The following DMD variants were observed in gnomAD, a reference collection of about 807,000 sequenced individuals.
The protein encoded by DMD is mutant dystrophin.
Under a neutral mutation model 330.1 loss-of-function variants are expected in DMD, and 63 were observed. The observed-to-expected ratio is 0.19, with a 90% CI of 0.16 to 0.24. The LOEUF is 0.24. Ranked by LOEUF, DMD falls within the 10% of genes least tolerant of loss-of-function variation. The pLI is 1.00. For missense variants in DMD, 3,344 were observed against 2,684.1 expected (o/e 1.25, Z -5.43); for synonymous variants, 1,223 against 959.8 (o/e 1.27, Z -5.07).
chrX:33,133,906 G>A (rs73455860), intron 1 of DMD, among the ~76,000 whole-genome samples: 4,675 of 111,610 alleles, frequency 0.042, 226 homozygotes, highest in African/African-American at 0.14. Flanking sequence ...AAGTTTGAAG[G>A]AAAATCAAAC....
intron 17 of DMD, among the ~76,000 whole-genome samples, chrX:32,520,032 G>A (rs941994170): frequency 8.1e-5 from 9 of 111,457 alleles, no homozygotes; most frequent in African/African-American, 2.6e-4. Flanking sequence ...GTTATTTATC[G>A]AGGCTATCCA....
intron 2 of DMD, among the ~76,000 whole-genome samples, chrX:32,949,949 T>C (rs2091122388): frequency 1.0e-5 from 1 of 97,042 alleles, no homozygotes. Context: ...AAACATCCAG[T>C]GTAAAGGTGC....
At chrX:33,269,788 C>T (rs1202981556) in intron 1 of DMD, among the ~76,000 whole-genome samples, 2 of 110,481 alleles carry the variant, frequency 1.8e-5, no homozygotes, top group African/African-American at 6.6e-5. Flanking sequence ...CTGATGGGGT[C>T]TCTGTAATTA....
rs1210621612 is a variant in DMD at position 32,990,004 on chromosome X, A to AAT, written c.93+30133_93+30134dup. ...AAAATGAGAAAACCTGTCATTGATT[A>AAT]ATATATGTTTGTTTTTGTATTAATT... On this transcript the variant is annotated intron_variant, in intron 2 of 78. Coordinates refer to ENST00000357033, the MANE Select transcript of DMD (RefSeq NM_004006.3). Among the ~76,000 whole-genome samples the AAT allele has an allele frequency of 3.6e-5, 4 of 111,850 alleles. No individual in the cohort carries two copies. The East Asian group carries it at 1.1e-3, about 31-fold the overall frequency.
intron 42 of DMD, among the ~76,000 whole-genome samples, chrX:32,288,041 T>A (rs1485499148): frequency 9.0e-6 from 1 of 110,818 alleles, no homozygotes; most frequent in African/African-American, 3.3e-5. Context: ...GCACTTCTTT[T>A]CTTCTCTGTC....
intron 30 of DMD, among the ~76,000 whole-genome samples, chrX:32,406,957 C>T (rs1394600657): frequency 9.0e-6 from 1 of 111,307 alleles, no homozygotes; most frequent in Non-Finnish European, 1.9e-5. Context: ...TTCCTTACAC[C>T]TTATACAAAA....
intron 11 of DMD, among the ~76,000 whole-genome samples, chrX:32,642,068 A>T (rs2059502088): frequency 8.9e-6 from 1 of 111,813 alleles, no homozygotes; most frequent in Admixed American, 9.5e-5. Flanking sequence ...CCTCTCACAA[A>T]ATCTTTCAAA....
At chrX:31,502,324 T>C (rs1364284737) in intron 56 of DMD, among the ~76,000 whole-genome samples, 1 of 111,467 alleles carries the variant, frequency 9.0e-6, no homozygotes, top group African/African-American at 3.3e-5. Flanking sequence ...CATTTTTTTT[T>C]TCTAGACAGG....
At chrX:32,691,127 T>G (rs2063249430) in intron 9 of DMD, among the ~76,000 whole-genome samples, 1 of 110,941 alleles carries the variant, frequency 9.0e-6, no homozygotes, top group African/African-American at 3.3e-5. Context: ...TTAAATAAAA[T>G]GAATTATATA....
intron 74 of DMD, among the ~76,000 whole-genome samples, chrX:31,167,327 T>C (rs1259751961): frequency 1.8e-5 from 2 of 111,237 alleles, no homozygotes; most frequent in Admixed American, 1.9e-4. Flanking sequence ...GATTAAATGA[T>C]CTAAAATATG....
chrX:33,127,360 C>A lies in DMD; in HGVS notation c.31+83922G>T, dbSNP rs775780297. On this transcript the variant is annotated intron_variant, in intron 1 of 78. Transcript: ENST00000357033. ...AGGATATTCTATAATTAAAAAAAAA[C>A]CTGATAAATCACTACACCTTTTCAC... 5.4e-5 allele frequency among the ~76,000 whole-genome samples: 6 copies of A among 110,749 alleles called. No individual in the cohort carries two copies. In the Admixed American group the frequency reaches 5.8e-4, roughly 11 times the overall value.
At chrX:31,844,192 T>G (rs766262094) in intron 48 of DMD, among the ~76,000 whole-genome samples, 4 of 111,767 alleles carry the variant, frequency 3.6e-5, no homozygotes, top group African/African-American at 9.7e-5. Flanking sequence ...TAATCCATCT[T>G]GAGTTAATTT....
intron 1 of DMD, among the ~76,000 whole-genome samples, chrX:33,200,466 A>C: frequency 9.0e-6 from 1 of 111,628 alleles, no homozygotes; most frequent in East Asian, 2.8e-4. Context: ...GCACACTAGT[A>C]ATATTGAAAG....
At chrX:31,896,872 C>T (rs921791689) in intron 47 of DMD, among the ~76,000 whole-genome samples, 10 of 110,430 alleles carry the variant, frequency 9.1e-5, no homozygotes, top group African/African-American at 2.0e-4. Context: ...AATAATTAGC[C>T]GAGTTTCTGA....
At chrX:32,923,774 G>T (rs1158696982) in intron 2 of DMD, among the ~76,000 whole-genome samples, 2 of 111,237 alleles carry the variant, frequency 1.8e-5, no homozygotes, top group South Asian at 3.8e-4. Context: ...GTTTTTCAGG[G>T]ATTGTCTGGT....
chrX:31,954,820 G>T (rs1482594854), intron 45 of DMD, among the ~76,000 whole-genome samples: 2 of 109,486 alleles, frequency 1.8e-5, no homozygotes, highest in African/African-American at 6.7e-5. Context: ...AATGGTAAAG[G>T]TATATTTACT....
intron 47 of DMD, among the ~76,000 whole-genome samples, chrX:31,900,898 G>A (rs2094413324): frequency 9.0e-6 from 1 of 111,453 alleles, no homozygotes; most frequent in Admixed American, 9.6e-5. Context: ...CCATCAGACT[G>A]AGTCTTCTAA....
chrX:31,544,323 CAA>C (rs756215454), intron 55 of DMD, among the ~76,000 whole-genome samples: 8,624 of 50,729 alleles, frequency 0.17, 464 homozygotes, highest in African/African-American at 0.26. Context: ...GACTCCGTCT[CAA>C]AAAAAAAAAA....
At chrX:31,391,601 G>A (rs920096965) in intron 60 of DMD, among the ~76,000 whole-genome samples, 2 of 110,130 alleles carry the variant, frequency 1.8e-5, no homozygotes, top group Admixed American at 9.8e-5. Flanking sequence ...GGCTGGGTGC[G>A]GTGACTCACA....
Sources: allele counts gnomAD v4.1 joint callset (sites outside exome capture counted in the v4.1 genomes callset), GRCh38; gene constraint gnomAD v4.1.1; transcripts MANE v1.5; gene names NCBI Gene and HGNC (gene_info 2026-07-23, HGNC 2026-07-21).